Variants in AGMO observed in about 807,000 individuals in gnomAD.
AGMO encodes glyceryl-ether monooxygenase.
A neutral mutation model predicts 60.2 loss-of-function variants in AGMO; 75 were observed. That is an observed-to-expected ratio of 1.25 (90% CI 1.03 to 1.51). AGMO has a LOEUF of 1.51. AGMO is among the 40% of genes most tolerant of loss of function. AGMO has a pLI of 0.00. For synonymous variants in AGMO, 261 were observed against 177.1 expected (o/e 1.47, Z -3.76); for missense variants, 763 against 525.5 (o/e 1.45, Z -4.42).
intron 12 of AGMO, among the ~76,000 whole-genome samples, chr7:15,230,754 C>T (rs1782235797): frequency 6.6e-6 from 1 of 152,142 alleles, no homozygotes; most frequent in Admixed American, 6.6e-5. Flanking sequence ...GTACTTCTCA[C>T]TCCTCGCTCT....
chr7:15,374,770 C>T (rs2069582369), intron 10 of AGMO, among the ~76,000 whole-genome samples: 2 of 151,914 alleles, frequency 1.3e-5, no homozygotes, highest in South Asian at 4.1e-4. Flanking sequence ...TGGTGGATTC[C>T]CTGAATTGTG....
intron 12 of AGMO, among the ~76,000 whole-genome samples, chr7:15,355,396 G>A (rs972504510): frequency 1.3e-5 from 2 of 151,080 alleles, no homozygotes; most frequent in Non-Finnish European, 2.9e-5. Context: ...CCAGCTACTC[G>A]GGAGGCTGAG....
At chr7:15,312,060 T>C (rs1160453138) in intron 12 of AGMO, among the ~76,000 whole-genome samples, 1 of 148,838 alleles carries the variant, frequency 6.7e-6, no homozygotes, top group Non-Finnish European at 1.5e-5. Flanking sequence ...AGATGAAAAA[T>C]GAAAAAGAGA....
intron 12 of AGMO, among the ~76,000 whole-genome samples, chr7:15,252,062 C>A (rs1220572090): frequency 1.3e-5 from 2 of 152,188 alleles, no homozygotes; most frequent in Non-Finnish European, 2.9e-5. Flanking sequence ...ATCTTTAGGT[C>A]TTTTCATGGA....
chr7:15,375,089 C>G (rs901905341), intron 10 of AGMO, among the ~76,000 whole-genome samples: 3 of 151,942 alleles, frequency 2.0e-5, no homozygotes, highest in African/African-American at 7.3e-5. Flanking sequence ...AGTAATTGGT[C>G]CAAGACTGAA....
At chr7:15,346,013 G>A (rs969521126) in intron 12 of AGMO, among the ~76,000 whole-genome samples, 1 of 152,024 alleles carries the variant, frequency 6.6e-6, no homozygotes, top group African/African-American at 2.4e-5. Context: ...CAATATAGCT[G>A]AACATTTTCC....
At chr7:15,320,882 T>C (rs1259594200) in intron 12 of AGMO, among the ~76,000 whole-genome samples, 1 of 152,206 alleles carries the variant, frequency 6.6e-6, no homozygotes, top group African/African-American at 2.4e-5. Flanking sequence ...GGTATAACTT[T>C]AGTTTTTTAA....
At chr7:15,433,014 A>G (rs1781298173) in intron 3 of AGMO, among the ~76,000 whole-genome samples, 1 of 152,082 alleles carries the variant, frequency 6.6e-6, no homozygotes, top group African/African-American at 2.4e-5. Context: ...TCTCTTTAGA[A>G]CATACCCACT....
chr7:15,500,820 C>T (rs1228834438), intron 3 of AGMO, among the ~76,000 whole-genome samples: 3 of 151,798 alleles, frequency 2.0e-5, no homozygotes, highest in Admixed American at 1.3e-4. Context: ...TAGATGTGGG[C>T]CTTTAGTGCT....
intron 3 of AGMO, among the ~76,000 whole-genome samples, chr7:15,535,683 A>G (rs906914244): frequency 2.0e-5 from 3 of 151,980 alleles, no homozygotes; most frequent in Non-Finnish European, 4.4e-5. Context: ...AGGTGTATAT[A>G]TTTATGGGGT....
intron 3 of AGMO, among the ~76,000 whole-genome samples, chr7:15,490,494 T>C (rs916341373): frequency 6.6e-6 from 1 of 151,902 alleles, no homozygotes; most frequent in Non-Finnish European, 1.5e-5. Context: ...TTTTCTAGAG[T>C]TAATACTCCC....
chr7:15,513,350 G>T (rs545578882), intron 3 of AGMO, among the ~76,000 whole-genome samples: 1 of 152,244 alleles, frequency 6.6e-6, no homozygotes, highest in African/African-American at 2.4e-5. Flanking sequence ...ATAATTATCT[G>T]TTCGGGCTGG....
chr7:15,146,156 C>G, the AGMO span, among the ~76,000 whole-genome samples: 1 of 152,110 alleles, frequency 6.6e-6, no homozygotes, highest in East Asian at 1.9e-4. Context: ...TAATTCTATA[C>G]ACCTTTATAA....
intron 12 of AGMO, among the ~76,000 whole-genome samples, chr7:15,257,895 T>G (rs1196591584): frequency 6.6e-6 from 1 of 152,192 alleles, no homozygotes; most frequent in Non-Finnish European, 1.5e-5. Context: ...TAAAGCTGCT[T>G]CTTAGAGCCA....
intron 5 of AGMO, among the ~76,000 whole-genome samples, chr7:15,395,427 A>G (rs538146307): frequency 1.7e-4 from 26 of 152,176 alleles, no homozygotes; most frequent in Non-Finnish European, 3.2e-4. Flanking sequence ...CATAAAAGAC[A>G]TTTTATAGGC....
chr7:15,403,940 A>G (rs909340631), intron 5 of AGMO, among the ~76,000 whole-genome samples: 1 of 152,058 alleles, frequency 6.6e-6, no homozygotes, highest in East Asian at 1.9e-4. Context: ...CTAGTTTCAC[A>G]CTTTGAAATG....
intron 4 of AGMO, among the ~76,000 whole-genome samples, chr7:15,422,305 A>C (rs1780947605): frequency 6.6e-6 from 1 of 152,016 alleles, no homozygotes; most frequent in African/African-American, 2.4e-5. Flanking sequence ...AGATCTTACT[A>C]TATTTATGGC....
chr7:15,171,912 C>T, the AGMO span, among the ~76,000 whole-genome samples: 1 of 152,032 alleles, frequency 6.6e-6, no homozygotes, highest in African/African-American at 2.4e-5. Flanking sequence ...GGTGGAGAAA[C>T]CCACATATCT....
the AGMO span, among the ~76,000 whole-genome samples, chr7:15,182,123 T>G: frequency 1.3e-5 from 2 of 152,206 alleles, no homozygotes; most frequent in African/African-American, 2.4e-5. Flanking sequence ...ATTACATAAT[T>G]CCACTTGTAT....
Sources: allele counts gnomAD v4.1 joint callset (sites outside exome capture counted in the v4.1 genomes callset), GRCh38; gene constraint gnomAD v4.1.1; transcripts MANE v1.5; gene names NCBI Gene and HGNC (gene_info 2026-07-23, HGNC 2026-07-21).